The following IFI27 variants were observed in gnomAD, a reference collection of about 807,000 sequenced individuals.
IFI27 encodes interferon alpha-inducible protein 27, mitochondrial.
Under a neutral mutation model 8.9 loss-of-function variants are expected in IFI27, and 3 were observed. The ratio of observed to expected loss-of-function variants is 0.34; its 90% CI spans 0.15 to 0.87. The LOEUF (loss-of-function observed/expected upper bound fraction) is 0.87, where lower values mean the gene tolerates loss of function less well. Among genes scored for constraint, IFI27 ranks in the 40% least tolerant of loss-of-function variants. The pLI is 0.51. For missense variants in IFI27, 152 were observed against 157.7 expected (o/e 0.96, Z 0.19); for synonymous variants, 66 against 67.3 (o/e 0.98, Z 0.09).
chr14:94,108,300 C>T (rs1426757175), upstream of IFI27, among the ~76,000 whole-genome samples: 3 of 152,120 alleles, frequency 2.0e-5, no homozygotes, highest in Non-Finnish European at 2.9e-5. Context: ...AATAAACATA[C>T]GTGTGCACGT....
intron 3 of IFI27, chr14:94,115,526 T>C: frequency 1.6e-6 from 1 of 606,456 alleles, no homozygotes. Flanking sequence ...CAAGTGGCTT[T>C]CCCAAGGAAG....
In IFI27 at chr14:94,116,589, C is replaced by G. The variant is rs2799; in HGVS notation, c.*62C>G. The G allele has an allele frequency of 0.084, 112,803 of 1,340,828 alleles. 9,035 individuals carry two copies. The highest frequency in any genetic ancestry group is 0.43 in the East Asian group (17,957 of 42,124). 83.1% of individuals were successfully genotyped at this position (1,340,828 alleles called of 1,614,324 possible). ...CCAGGGGAGAAGGCACCCAGCCATC[C>G]TGACCCAGCGAGGAGCCAACTATCC... On this transcript the variant is annotated 3_prime_UTR_variant, in exon 5 of 5. Coordinates refer to ENST00000621160, the Ensembl canonical transcript of IFI27. The surrounding 1 kb of genome is among the most constrained non-coding windows in gnomAD (Gnocchi z 4.3).
chr14:94,114,728 C>A, intron 2 of IFI27, 123 bp from the exon 3 acceptor site: 1 of 914,434 alleles, frequency 1.1e-6, no homozygotes, highest in South Asian at 1.5e-5. Flanking sequence ...AGACAGGAGT[C>A]ATCCCTTCTT....
rs752772349 is a variant in IFI27, at chr14:94,116,514, C to T, written c.356C>T (p.Ala119Val). Residue 119 changes from alanine (A) to valine (V), a missense_variant, in exon 5 of 5, where the codon GCG becomes GTG. Transcript: ENST00000621160. The surrounding 1 kb of genome is among the most constrained non-coding windows in gnomAD (Gnocchi z 4.3). The stretch of plus-strand genomic sequence containing the variant: ...GGGTCTGCCATTGCGGCTGTCATTG[C>T]GAGGTTCTACTAGCTCCCTGCCCCT... 2.4e-5 allele frequency: 39 copies of T among 1,612,566 alleles called. No individual in the cohort carries two copies. Among genetic ancestry groups the T allele is most frequent in the South Asian group, 5.5e-5 (5 of 90,646 alleles).
In IFI27 at chr14:94,111,955, A is replaced by G. The variant is rs556660609; in HGVS notation, c.91+182A>G. The G allele has an allele frequency of 3.3e-5, 21 of 645,584 alleles. No homozygotes were observed. The highest frequency in any genetic ancestry group is 2.3e-4 in the South Asian group (13 of 56,354). 40.0% of individuals were successfully genotyped at this position (645,584 alleles called of 1,614,324 possible). ...ATCTGGGAGGGGGCCCGGGGCAGGC[A>G]GACTCTGGCCAGATGCCCAGCCCTG... is the stretch of plus-strand genomic sequence containing the variant. On this transcript the variant is annotated intron_variant, in intron 2 of 4. Transcript: ENST00000621160. This position sits in a 1 kb window ranked among gnomAD's most constrained non-coding sequence, Gnocchi z 4.3.
Position 94,111,968 on chromosome 14 carries a change from A to G in IFI27, c.91+195A>G. The G allele has an allele frequency of 1.6e-6, 1 of 633,386 alleles. No homozygotes were observed. The highest frequency in any genetic ancestry group is 2.8e-6 in the Non-Finnish European group (1 of 350,904). The allele number at this position is 633,386 out of a possible 1,614,324, so 39.2% of individuals were successfully genotyped here. On this transcript the variant is annotated intron_variant, in intron 2 of 4. Coordinates refer to ENST00000621160, the Ensembl canonical transcript of IFI27. This position sits in a 1 kb window ranked among gnomAD's most constrained non-coding sequence, Gnocchi z 4.3. ...CCCGGGGCAGGCAGACTCTGGCCAG[A>G]TGCCCAGCCCTGGGTGTTCCACAGG...
At chr14:94,109,353 CAGGGAAGGG>C (rs1220668205), upstream of IFI27, among the ~76,000 whole-genome samples, 2 of 129,446 alleles carry the variant, frequency 1.5e-5, no homozygotes, top group East Asian at 2.1e-4. Flanking sequence ...CAGGGAAGGG[CAGGGAAGGG>C]CAGAGAAGGG....
exon 4 of IFI27, chr14:94,115,906 G>A (rs1392644820): frequency 1.9e-6 from 3 of 1,592,386 alleles, no homozygotes; most frequent in Non-Finnish European, 2.6e-6. Context: ...GGGTGGAGTT[G>A]CCTCGGGCAG....
In IFI27 at chr14:94,111,336, G is replaced by C. The variant is rs1887175049; in HGVS notation, c.-58-289G>C. ...TTCAATTGCTCCGTGGAGAGATAAG[G>C]GAGTCCCGGAAGTGTCTAAGACATT... On this transcript the variant is annotated intron_variant, in intron 1 of 4. Coordinates refer to ENST00000621160, the Ensembl canonical transcript of IFI27. The surrounding 1 kb of genome is among the most constrained non-coding windows in gnomAD (Gnocchi z 4.3). Among the ~76,000 whole-genome samples the C allele has an allele frequency of 1.3e-5, 2 of 152,168 alleles. No homozygotes were observed.
At chr14:94,115,867 A>G in exon 4 of IFI27, 2 of 1,603,222 alleles carry the variant, frequency 1.2e-6, no homozygotes, top group Non-Finnish European at 1.7e-6. Context: ...AGCAGCCAAG[A>G]TGATGTCCGC....
At chr14:94,108,070 T>C (rs1887037200), upstream of IFI27, among the ~76,000 whole-genome samples, 1 of 152,230 alleles carries the variant, frequency 6.6e-6, no homozygotes, top group Non-Finnish European at 1.5e-5. Context: ...CTCCCACTTA[T>C]GAGTAAGAAC....
Position 94,116,251 on chromosome 14 carries a change from G to T in IFI27, c.284-191G>T. On this transcript the variant is annotated intron_variant, in intron 4 of 4. Coordinates refer to ENST00000621160, the Ensembl canonical transcript of IFI27. The surrounding 1 kb of genome is among the most constrained non-coding windows in gnomAD (Gnocchi z 4.3). ...TTCTAGCTCTGGAGTTCACCATGGG[G>T]GTTCATGCCTGCAGCAGCCTCTCCC... is the stretch of plus-strand genomic sequence containing the variant. 1.5e-6 allele frequency: 1 copy of T among 646,398 alleles called. No individual in the cohort carries two copies. Among genetic ancestry groups the T allele is most frequent in the East Asian group, 2.7e-5 (1 of 36,772 alleles). 40.0% of individuals were successfully genotyped at this position (646,398 alleles called of 1,614,324 possible).
upstream of IFI27, among the ~76,000 whole-genome samples, chr14:94,109,139 C>T (rs1248078364): frequency 4.0e-5 from 6 of 151,758 alleles, no homozygotes; most frequent in Non-Finnish European, 7.4e-5. Context: ...ACTAAAAATA[C>T]AAAAAATTAG....
chr14:94,109,335 G>C (rs983509538), upstream of IFI27, among the ~76,000 whole-genome samples: 1 of 150,832 alleles, frequency 6.6e-6, no homozygotes, highest in Non-Finnish European at 1.5e-5. Context: ...GGGGAGGGGA[G>C]GGGAGGGCAG....
chr14:94,111,502 T>C lies in IFI27; in HGVS notation c.-58-123T>C. ...CTCACCCCAGGATCCTTTCAAGGCCTGCTGCTCCACAAGCTCAGAGCAGCC... is the reference window on the plus strand; with the variant it reads ...CTCACCCCAGGATCCTTTCAAGGCCCGCTGCTCCACAAGCTCAGAGCAGCC... On this transcript the variant is annotated intron_variant, in intron 1 of 4. Coordinates refer to ENST00000621160, the Ensembl canonical transcript of IFI27. The surrounding 1 kb of genome is among the most constrained non-coding windows in gnomAD (Gnocchi z 4.3). 1.7e-6 allele frequency: 1 copy of C among 605,258 alleles called. No individual in the cohort carries two copies. Among genetic ancestry groups the C allele is most frequent in the South Asian group, 2.0e-5 (1 of 50,942 alleles). 37.5% of individuals were successfully genotyped at this position (605,258 alleles called of 1,614,324 possible).
chr14:94,110,796 G>A (rs1887150626), exon 1 of IFI27: 3 of 152,712 alleles, frequency 2.0e-5, no homozygotes, highest in Admixed American at 2.0e-4. Context: ...CTCCTTCTTT[G>A]GGTAAGACTG....
chr14:94,114,996 G>A lies in IFI27; in HGVS notation c.121+116G>A. ...CTCACATGGGTGGTCAGGGGAGGAG[G>A]TGGGGATGAGGGGCTAAGTATGAAC... On this transcript the variant is annotated intron_variant, in intron 3 of 4. Transcript: ENST00000621160. The A allele has an allele frequency of 3.2e-6, 3 of 925,116 alleles. No homozygotes were observed. The Admixed American group carries it at 5.5e-5, about 17-fold the overall frequency. The allele number at this position is 925,116 out of a possible 1,614,324, so 57.3% of individuals were successfully genotyped here.
chr14:94,116,030 C>A lies in IFI27; in HGVS notation c.283+88C>A. The A allele has an allele frequency of 8.2e-7, 1 of 1,217,170 alleles. No homozygotes were observed. Among genetic ancestry groups the A allele is most frequent in the Non-Finnish European group, 1.2e-6 (1 of 850,600 alleles). The allele number at this position is 1,217,170 out of a possible 1,614,324, so 75.4% of individuals were successfully genotyped here. ...CAGTCCCAATCTCAACCCTATGAAC[C>A]TCAATCTCCCTGTTCCTCTGTCTCT... On this transcript the variant is annotated intron_variant, in intron 4 of 4. Transcript: ENST00000621160. This position sits in a 1 kb window ranked among gnomAD's most constrained non-coding sequence, Gnocchi z 4.3.
intron 2 of IFI27, chr14:94,114,626 A>T (rs1887318449): frequency 1.8e-6 from 1 of 565,468 alleles, no homozygotes; most frequent in Admixed American, 3.0e-5. Flanking sequence ...GGGCCACGTA[A>T]ATTCATTCAG....
Sources: allele counts gnomAD v4.1 joint callset (sites outside exome capture counted in the v4.1 genomes callset), GRCh38; gene constraint gnomAD v4.1.1; non-coding constraint Gnocchi (gnomAD v3.1); transcripts MANE v1.5; gene names NCBI Gene and HGNC (gene_info 2026-07-23, HGNC 2026-07-21).